Variants in PLA2G15 observed in about 807,000 individuals in gnomAD.
PLA2G15 encodes the protein lysosomal phospholipase A and acyltransferase.
In PLA2G15, 20 loss-of-function variants were observed where a neutral mutation model predicts 40.9. That is an observed-to-expected ratio of 0.49 (90% CI 0.34 to 0.71). The LOEUF is 0.71. Ranked by LOEUF, PLA2G15 falls within the 30% of genes least tolerant of loss-of-function variation. The pLI is 0.01. For synonymous variants in PLA2G15, 223 were observed against 228.2 expected, an observed-to-expected ratio of 0.98 and a Z score of 0.21; for missense variants, 471 against 541.9, an observed-to-expected ratio of 0.87 and a Z score of 1.30.
rs1419455945 is a variant in PLA2G15, at chr16:68,255,439, T to A, written c.502+59T>A. ...TCGGGAGGTAGGGGTGAGGTGATCATGGGCACCACAGACCTTGGGCTCTCC... is the reference window on the plus strand; with the variant it reads ...TCGGGAGGTAGGGGTGAGGTGATCAAGGGCACCACAGACCTTGGGCTCTCC... On this transcript the variant is annotated intron_variant, in intron 4 of 5. Transcript: ENST00000219345. This position sits in a 1 kb window ranked among gnomAD's most constrained non-coding sequence, Gnocchi z 5.9. 8.4e-6 allele frequency: 10 copies of A among 1,187,686 alleles called. No individual in the cohort carries two copies. 73.6% of individuals were successfully genotyped at this position (1,187,686 alleles called of 1,614,324 possible).
intron 1 of PLA2G15, chr16:68,248,480 G>A (rs1318597015): frequency 6.4e-6 from 1 of 155,214 alleles, no homozygotes; most frequent in African/African-American, 2.4e-5. Context: ...CTGCCTCCCG[G>A]GTTCAAGCAA....
At chr16:68,247,348 C>G (rs1294736741) in intron 1 of PLA2G15, among the ~76,000 whole-genome samples, 1 of 152,186 alleles carries the variant, frequency 6.6e-6, no homozygotes, top group Non-Finnish European at 1.5e-5. Context: ...CCACCTCTTG[C>G]AGCCTCAGTC....
chr16:68,252,474 G>A (rs2042363287), intron 2 of PLA2G15: 4 of 450,028 alleles, frequency 8.9e-6, no homozygotes, highest in South Asian at 6.3e-5. Flanking sequence ...TGTCTCCCCT[G>A]GCCCATCACC....
Position 68,254,970 on chromosome 16 carries a change from T to G in PLA2G15, c.336T>G (p.Asp112Glu). ...CCACCCAGTTTCCTGATGGTGTGGA[T>G]GTACGTGTCCCTGGCTTTGGGAAGA... ...SRATQFPDGV[D>E]VRVPGFGKTF... The change falls in exon 3 of 6, where the codon GAT becomes GAG. Residue 112 changes from aspartate to glutamate, a missense_variant. Transcript: ENST00000219345. The G allele has an allele frequency of 6.2e-7, 1 of 1,614,114 alleles. No homozygotes were observed. Among genetic ancestry groups the G allele is most frequent in the Non-Finnish European group, 8.5e-7 (1 of 1,179,996 alleles).
rs757341898 is a variant in PLA2G15, at chr16:68,259,464, A to G, written c.1046A>G (p.Asp349Gly). 4 of 1,613,644 alleles carry G rather than the reference A, an allele frequency of 2.5e-6. No homozygotes were observed. Among genetic ancestry groups the G allele is most frequent in the Non-Finnish European group, 3.4e-6 (4 of 1,180,000 alleles). Residue 349 changes from aspartate (D) to glycine (G), a missense_variant, in exon 6 of 6, where the codon GAC becomes GGC. Transcript: ENST00000219345. The surrounding 1 kb of genome is among the most constrained non-coding windows in gnomAD (Gnocchi z 6.5). ...PDSFYYESFP[D>G]RDPKICFGDG... ...TCCTTCTACTATGAGAGCTTCCCTGACCGTGACCCTAAAATCTGCTTTGGT... is the reference window on the plus strand; with the variant it reads ...TCCTTCTACTATGAGAGCTTCCCTGGCCGTGACCCTAAAATCTGCTTTGGT...
In PLA2G15 at chr16:68,259,660, C is replaced by T. The variant is rs767500216; in HGVS notation, c.*3C>T. On this transcript the variant is annotated 3_prime_UTR_variant, in exon 6 of 6. Coordinates refer to ENST00000219345, the MANE Select transcript of PLA2G15 (RefSeq NM_012320.4). This position sits in a 1 kb window ranked among gnomAD's most constrained non-coding sequence, Gnocchi z 6.5. ...AACGTGTGCTCCTTGGGCCCTGACTCCTGTGCCACAGGACTCCTGTGGCTC... is the reference window on the plus strand; with the variant it reads ...AACGTGTGCTCCTTGGGCCCTGACTTCTGTGCCACAGGACTCCTGTGGCTC... 1.2e-6 allele frequency: 2 copies of T among 1,608,522 alleles called. No individual in the cohort carries two copies. The highest frequency in any genetic ancestry group is 1.1e-5 in the South Asian group (1 of 90,922).
intron 1 of PLA2G15, chr16:68,248,270 GC>G (rs201476765): frequency 0.03 from 4,546 of 152,426 alleles, 97 homozygotes; most frequent in Middle Eastern, 0.15. Context: ...TAGCTGAGTG[GC>G]CCAGGGCTCT....
At position 68,259,944 on chromosome 16, in the gene PLA2G15, C is replaced by G. The variant is rs2042432829; in HGVS notation, c.*287C>G. 1 of 476,502 alleles carries G rather than the reference C, an allele frequency of 2.1e-6. No homozygotes were observed. The highest frequency in any genetic ancestry group is 3.8e-6 in the Non-Finnish European group (1 of 263,504). 29.5% of individuals were successfully genotyped at this position (476,502 alleles called of 1,614,324 possible). A position where few individuals can be genotyped will look rare whatever the true frequency, so the allele number is the denominator to read the frequency against. On this transcript the variant is annotated 3_prime_UTR_variant, in exon 6 of 6. Transcript: ENST00000219345. The surrounding 1 kb of genome is among the most constrained non-coding windows in gnomAD (Gnocchi z 6.5). ...GGCTCCACAGGGTGGACTGGCTGGG[C>G]CCTGGTCCCAGTCCCTGCCTGGGGC...
intron 5 of PLA2G15, 187 bp from the exon 6 acceptor site, chr16:68,258,959 C>T: frequency 1.7e-6 from 1 of 596,130 alleles, no homozygotes; most frequent in Non-Finnish European, 2.9e-6. Flanking sequence ...GACCCTGTCT[C>T]AAAAAGAAAA....
Position 68,255,880 on chromosome 16 carries a change from A to G in PLA2G15, c.617A>G (p.Tyr206Cys), listed in dbSNP as rs2042397127. ...AGTATGGGCAACATGTACACGCTCT[A>G]CTTTCTGCAGCGGCAGCCGCAGGCC... Reference protein sequence around the residue: ...AHSMGNMYTLYFLQRQPQAWK... With the variant: ...AHSMGNMYTLCFLQRQPQAWK... The change falls in exon 5 of 6, where the codon TAC becomes TGC. Residue 206 changes from tyrosine (Y) to cysteine (C), a missense_variant. Coordinates refer to ENST00000219345, the MANE Select transcript of PLA2G15 (RefSeq NM_012320.4). This position sits in a 1 kb window ranked among gnomAD's most constrained non-coding sequence, Gnocchi z 5.9. 3.1e-6 allele frequency: 5 copies of G among 1,613,964 alleles called. No individual in the cohort carries two copies. The highest frequency in any genetic ancestry group is 4.5e-5 in the East Asian group (2 of 44,862).
At chr16:68,253,123 G>A (rs947908889) in intron 2 of PLA2G15, among the ~76,000 whole-genome samples, 1 of 152,202 alleles carries the variant, frequency 6.6e-6, no homozygotes, top group African/African-American at 2.4e-5. Flanking sequence ...CAGCCCTGGG[G>A]TACTGGGAGG....
At position 68,255,976 on chromosome 16, in the gene PLA2G15, G is replaced by A. The variant is rs140788278; in HGVS notation, c.713G>A (p.Arg238His). The change falls in exon 5 of 6, where the codon CGC becomes CAC. Residue 238 changes from arginine (R) to histidine (H), a missense_variant. Physicochemically the swap from Arg to His is conservative, Grantham distance 29 (BLOSUM62 0). Coordinates refer to ENST00000219345, the MANE Select transcript of PLA2G15 (RefSeq NM_012320.4). This position sits in a 1 kb window ranked among gnomAD's most constrained non-coding sequence, Gnocchi z 5.9. Reference protein sequence around the residue: ...APWGGVAKTLRVLASGDNNRI... With the variant: ...APWGGVAKTLHVLASGDNNRI... ...TGGGGGGGCGTGGCCAAGACCCTGC[G>A]CGTCCTGGCTTCAGGTAAGACCCTA... The A allele has an allele frequency of 1.6e-5, 26 of 1,604,458 alleles. No individual in the cohort carries two copies. The highest frequency in any genetic ancestry group is 5.0e-5 in the Admixed American group (3 of 59,700).
rs976687750 is a variant in PLA2G15 at position 68,255,928 on chromosome 16, C to A, written c.665C>A (p.Ala222Asp). 4.4e-5 allele frequency: 71 copies of A among 1,612,862 alleles called. No homozygotes were observed. The highest frequency in any genetic ancestry group is 5.9e-5 in the Non-Finnish European group (70 of 1,179,924). ...GCCTGGAAGGACAAGTATATCCGGG[C>A]CTTCGTGTCACTGGGTGCGCCCTGG... ...PQAWKDKYIR[A>D]FVSLGAPWGG... is the part of the protein sequence containing the mutation. The change falls in exon 5 of 6, where the codon GCC becomes GAC. Residue 222 changes from alanine to aspartate, a missense_variant. Coordinates refer to ENST00000219345, the MANE Select transcript of PLA2G15 (RefSeq NM_012320.4). The surrounding 1 kb of genome is among the most constrained non-coding windows in gnomAD (Gnocchi z 5.9).
rs533406534 is a variant in PLA2G15 at position 68,255,672 on chromosome 16, T to A, written c.503-94T>A. ...CTGTTTGAATGTGAGCACCCTCCCC[T>A]CCCCCTCTCGTCTTGTGTCTGGCCT... On this transcript the variant is annotated intron_variant, in intron 4 of 5. Transcript: ENST00000219345. This position sits in a 1 kb window ranked among gnomAD's most constrained non-coding sequence, Gnocchi z 5.9. The A allele has an allele frequency of 4.8e-5, 49 of 1,023,960 alleles. No homozygotes were observed. Among genetic ancestry groups the A allele is most frequent in the Non-Finnish European group, 1.1e-5 (7 of 656,216 alleles). 63.4% of individuals were successfully genotyped at this position (1,023,960 alleles called of 1,614,324 possible). A position where few individuals can be genotyped will look rare whatever the true frequency, so the allele number is the denominator to read the frequency against.
At chr16:68,258,924 T>C in intron 5 of PLA2G15, 1 of 558,674 alleles carries the variant, frequency 1.8e-6, no homozygotes, top group Non-Finnish European at 3.2e-6. Flanking sequence ...CATGCCATTA[T>C]ACTCCAGCCT....
At position 68,245,411 on chromosome 16, in the gene PLA2G15, G is replaced by A; in HGVS notation, c.-16G>A. 2 of 1,601,482 alleles carry A rather than the reference G, an allele frequency of 1.2e-6. No individual in the cohort carries two copies. The highest frequency in any genetic ancestry group is 1.7e-6 in the Non-Finnish European group (2 of 1,179,134). ...GCTGAACCTGCATCCCGGACCTGCG[G>A]CGACCGTCGTACACCATGGGCCTCC... is the stretch of plus-strand genomic sequence containing the variant. On this transcript the variant is annotated 5_prime_UTR_variant, in exon 1 of 6. Transcript: ENST00000219345.
At chr16:68,253,691 G>GTGTT (rs1555528288) in intron 2 of PLA2G15, among the ~76,000 whole-genome samples, 4 of 124,932 alleles carry the variant, frequency 3.2e-5, no homozygotes, top group Non-Finnish European at 6.7e-5. Context: ...GTTTTGTTTT[G>GTGTT]TTTTTTTTTT....
chr16:68,255,169 C>A lies in PLA2G15; in HGVS notation c.404-113C>A, dbSNP rs1049704180. 4 of 985,306 alleles carry A rather than the reference C, an allele frequency of 4.1e-6. No individual in the cohort carries two copies. The highest frequency in any genetic ancestry group is 4.8e-6 in the Non-Finnish European group (3 of 619,408). 61.0% of individuals were successfully genotyped at this position (985,306 alleles called of 1,614,324 possible). A position where few individuals can be genotyped will look rare whatever the true frequency, so the allele number is the denominator to read the frequency against. On this transcript the variant is annotated intron_variant, in intron 3 of 5. Coordinates refer to ENST00000219345, the MANE Select transcript of PLA2G15 (RefSeq NM_012320.4). This position sits in a 1 kb window ranked among gnomAD's most constrained non-coding sequence, Gnocchi z 5.9. Reference sequence around the variant, plus strand: ...GTCTCTGATCAGCGTGGGCACAGAGCCCTGTAGCATTCTTCCAAGGACCTG... The same window carrying A: ...GTCTCTGATCAGCGTGGGCACAGAGACCTGTAGCATTCTTCCAAGGACCTG...
intron 2 of PLA2G15, chr16:68,254,555 G>A (rs1196197964): frequency 1.8e-5 from 3 of 168,842 alleles, no homozygotes; most frequent in Admixed American, 5.9e-5. Flanking sequence ...TGTCAGGCTG[G>A]TCTCAAACTC....
Sources: gnomAD v4.1 joint callset for allele counts (sites outside exome capture counted in the v4.1 genomes callset) on GRCh38, gnomAD v4.1.1 for gene constraint, Gnocchi (gnomAD v3.1) non-coding constraint, MANE v1.5 for transcripts, NCBI Gene and HGNC (gene_info 2026-07-23, HGNC 2026-07-21) for gene names.